Variants in DLG2 observed in about 807,000 individuals in gnomAD.
DLG2 encodes disks large homolog 2.
A neutral mutation model predicts 132.5 loss-of-function variants in DLG2; 45 were observed. The observed-to-expected ratio is 0.34, with a 90% CI of 0.27 to 0.44. DLG2 has a LOEUF of 0.44. Among genes scored for constraint, DLG2 ranks in the 20% least tolerant of loss-of-function variants. The probability of loss-of-function intolerance (pLI) is 1.00; values close to 1 mark genes in which losing one functional copy is unlikely to be tolerated. For synonymous variants in DLG2, 424 were observed against 419.6 expected (o/e 1.01, Z -0.13); for missense variants, 1,045 against 1,196.9 (o/e 0.87, Z 1.87).
chr11:84,796,449 A>G (rs1266998736), intron 6 of DLG2, among the ~76,000 whole-genome samples: 1 of 152,126 alleles, frequency 6.6e-6, no homozygotes, highest in Non-Finnish European at 1.5e-5. Flanking sequence ...GCAGTGTTAT[A>G]ATATTCTGTG....
At chr11:84,620,962 A>T (rs7928399) in intron 6 of DLG2, among the ~76,000 whole-genome samples, 50,611 of 152,002 alleles carry the variant, frequency 0.33, 9,141 homozygotes, top group African/African-American at 0.46. Context: ...AGAGCATGGA[A>T]AAATGAATAA....
intron 18 of DLG2, among the ~76,000 whole-genome samples, chr11:83,782,682 C>G (rs754713444): frequency 6.6e-6 from 1 of 152,038 alleles, no homozygotes; most frequent in Non-Finnish European, 1.5e-5. Context: ...GACAGCAGTC[C>G]TGTGTAGCAG....
intron 18 of DLG2, among the ~76,000 whole-genome samples, chr11:83,740,858 T>C (rs897365304): frequency 2.0e-5 from 3 of 152,128 alleles, no homozygotes; most frequent in East Asian, 1.9e-4. Flanking sequence ...CCTCTCTGCA[T>C]ACTAAAACAC....
chr11:84,350,174 TCCC>T (rs34820095), intron 7 of DLG2, among the ~76,000 whole-genome samples: 1 of 81,930 alleles, frequency 1.2e-5, no homozygotes, highest in Admixed American at 1.5e-4. Flanking sequence ...AGAGACTTCG[TCCC>T]CCCCCCCAAA....
At chr11:85,618,271 C>G (rs559566145) in intron 2 of DLG2, among the ~76,000 whole-genome samples, 6 of 148,554 alleles carry the variant, frequency 4.0e-5, no homozygotes. Flanking sequence ...TTATCCCAAT[C>G]AAAAAAAAAA....
In DLG2 at chr11:85,346,109, C is replaced by T. The variant is rs773293625; in HGVS notation, c.41-60744G>A. Among the ~76,000 whole-genome samples, 57 of 151,788 alleles carry T rather than the reference C, an allele frequency of 3.8e-4. 1 individual carries two copies. The highest frequency in any genetic ancestry group is 1.3e-4 in the Non-Finnish European group (9 of 68,000). On this transcript the variant is annotated intron_variant, in intron 3 of 27. Coordinates refer to ENST00000376104, the MANE Select transcript of DLG2 (RefSeq NM_001142699.3). Reference sequence around the variant, plus strand: ...GTTCCTGAAAGTCAGAGGAGGAACGCGTCCACCTTAGGTACGATGCTTGTA... The same window carrying T: ...GTTCCTGAAAGTCAGAGGAGGAACGTGTCCACCTTAGGTACGATGCTTGTA...
At chr11:84,279,174 C>T (rs970672620) in intron 7 of DLG2, among the ~76,000 whole-genome samples, 2 of 152,100 alleles carry the variant, frequency 1.3e-5, no homozygotes, top group Non-Finnish European at 2.9e-5. Flanking sequence ...ACATACACTT[C>T]TCAAAAGAAA....
chr11:85,069,280 A>C (rs549372708), intron 6 of DLG2, among the ~76,000 whole-genome samples: 1 of 152,276 alleles, frequency 6.6e-6, no homozygotes, highest in Admixed American at 6.5e-5. Flanking sequence ...AGCAATGGCA[A>C]CAGAAGCCAA....
intron 7 of DLG2, among the ~76,000 whole-genome samples, chr11:84,389,348 C>T (rs556575830): frequency 3.9e-5 from 6 of 152,152 alleles, no homozygotes; most frequent in Admixed American, 3.3e-4. Flanking sequence ...TTTTAAACTT[C>T]TGTTCTTCAG....
intron 7 of DLG2, among the ~76,000 whole-genome samples, chr11:84,266,935 G>A (rs746271537): frequency 6.6e-6 from 1 of 152,230 alleles, no homozygotes; most frequent in African/African-American, 2.4e-5. Flanking sequence ...AGTAGGAAGA[G>A]GAGAAGTGCA....
At chr11:84,438,970 G>C (rs1292783542) in intron 7 of DLG2, among the ~76,000 whole-genome samples, 1 of 152,104 alleles carries the variant, frequency 6.6e-6, no homozygotes, top group Non-Finnish European at 1.5e-5. Context: ...TTCATCTGTG[G>C]AATCAACAAC....
intron 3 of DLG2, among the ~76,000 whole-genome samples, chr11:85,475,370 T>C (rs950368894): frequency 6.6e-6 from 1 of 152,018 alleles, no homozygotes; most frequent in Non-Finnish European, 1.5e-5. Flanking sequence ...CTAACCCATG[T>C]ATTATCCTAA....
At chr11:83,505,617 A>G (rs2094654243) in intron 21 of DLG2, among the ~76,000 whole-genome samples, 1 of 152,100 alleles carries the variant, frequency 6.6e-6, no homozygotes, top group South Asian at 2.1e-4. Flanking sequence ...CAATTTTCCA[A>G]TCATGCTTCT....
chr11:84,040,819 C>T (rs1422555359), intron 11 of DLG2, among the ~76,000 whole-genome samples: 1 of 151,708 alleles, frequency 6.6e-6, no homozygotes, highest in East Asian at 1.9e-4. Flanking sequence ...GGCAGTATGG[C>T]CATTTTCATG....
At chr11:83,481,163 G>GC (rs2093070142) in intron 22 of DLG2, among the ~76,000 whole-genome samples, 1 of 151,792 alleles carries the variant, frequency 6.6e-6, no homozygotes. Flanking sequence ...GCTGAAGTAT[G>GC]TTTTTTTTAA....
chr11:83,994,284 A>G (rs2093897264), intron 11 of DLG2, among the ~76,000 whole-genome samples: 1 of 152,200 alleles, frequency 6.6e-6, no homozygotes, highest in South Asian at 2.1e-4. Context: ...TGTTGTAGGA[A>G]TATCTCATTC....
At chr11:83,751,730 T>C (rs1430781157) in intron 18 of DLG2, among the ~76,000 whole-genome samples, 2 of 152,166 alleles carry the variant, frequency 1.3e-5, no homozygotes, top group African/African-American at 2.4e-5. Context: ...GTAGGAAAGA[T>C]TGTAGAAGTT....
chr11:85,096,846 C>T (rs1479355156), intron 6 of DLG2, among the ~76,000 whole-genome samples: 1 of 152,150 alleles, frequency 6.6e-6, no homozygotes, highest in Non-Finnish European at 1.5e-5. Flanking sequence ...GGCCACTGGA[C>T]TAAAGACACG....
At chr11:85,435,623 C>G (rs2091437764) in intron 3 of DLG2, among the ~76,000 whole-genome samples, 1 of 152,094 alleles carries the variant, frequency 6.6e-6, no homozygotes, top group South Asian at 2.1e-4. Context: ...AGAACCTCTT[C>G]AAGGAAAACT....
Sources: gnomAD v4.1 joint callset for allele counts (sites outside exome capture counted in the v4.1 genomes callset) on GRCh38, gnomAD v4.1.1 for gene constraint, MANE v1.5 for transcripts, NCBI Gene and HGNC (gene_info 2026-07-23, HGNC 2026-07-21) for gene names.